The following THSD4 variants were observed in gnomAD, a reference collection of about 807,000 sequenced individuals.
THSD4 encodes thrombospondin type 1 domain containing 4.
THSD4 carries 69 observed loss-of-function variants against 119.0 expected under a neutral mutation model. The observed-to-expected ratio is 0.58, with a 90% CI of 0.48 to 0.71. THSD4 has a LOEUF of 0.71. THSD4 is among the 30% of genes least tolerant of loss of function. The probability of loss-of-function intolerance (pLI) is 0.00; values close to 1 mark genes in which losing one functional copy is unlikely to be tolerated. For synonymous variants in THSD4, 524 were observed against 540.4 expected, an observed-to-expected ratio of 0.97 and a Z score of 0.42; for missense variants, 1,393 against 1,391.1, an observed-to-expected ratio of 1.00 and a Z score of -0.02.
intron 8 of THSD4, among the ~76,000 whole-genome samples, chr15:71,680,713 C>G (rs142191152): frequency 9.2e-4 from 140 of 152,286 alleles, no homozygotes; most frequent in Middle Eastern, 3.4e-3. Flanking sequence ...TACTCTCAGC[C>G]ACGCAGCTTT....
At chr15:71,199,802 CTGTG>C (rs144073334) in intron 3 of THSD4, among the ~76,000 whole-genome samples, 54 of 38,110 alleles carry the variant, frequency 1.4e-3, no homozygotes, top group African/African-American at 3.4e-3. Context: ...TGTGTGTGTG[CTGTG>C]TGTGTGTGAT....
chr15:71,547,375 G>A lies in THSD4; in HGVS notation c.1153-113155G>A, dbSNP rs1311183677. On this transcript the variant is annotated intron_variant, in intron 7 of 17. Transcript: ENST00000261862. ...TAGCTGTTAGCACTTGGCAGACGGA[G>A]TTCTCCTCTAGGGTAGTTCTAACTT... 2.7e-5 allele frequency: 42 copies of A among 1,549,084 alleles called. No homozygotes were observed. In the South Asian group the frequency reaches 4.8e-4, roughly 18 times the overall value.
chr15:71,242,611 G>T (rs375963303), intron 4 of THSD4, 38 bp from the exon 5 acceptor site: 1 of 1,590,708 alleles, frequency 6.3e-7, no homozygotes, highest in East Asian at 2.2e-5. Context: ...AAATTCATCC[G>T]ACTCTGATCA....
chr15:71,547,911 C>CTT (rs33983525), intron 7 of THSD4: 20,972 of 149,214 alleles, frequency 0.14, 1,468 homozygotes, highest in Middle Eastern at 0.22. Flanking sequence ...ACACTTCTCT[C>CTT]TTTTTTTTTT....
intron 7 of THSD4, among the ~76,000 whole-genome samples, chr15:71,594,361 A>G (rs927023068): frequency 6.6e-6 from 1 of 152,108 alleles, no homozygotes; most frequent in African/African-American, 2.4e-5. Context: ...GGCATTTGCC[A>G]CCACGACTGG....
At chr15:71,389,655 T>G (rs1596392241) in intron 6 of THSD4, among the ~76,000 whole-genome samples, 1 of 152,054 alleles carries the variant, frequency 6.6e-6, no homozygotes, top group Non-Finnish European at 1.5e-5. Context: ...ATATACAAAG[T>G]AGTGGAATTG....
chr15:71,459,974 A>G (rs925895424), intron 7 of THSD4, among the ~76,000 whole-genome samples: 1 of 152,054 alleles, frequency 6.6e-6, no homozygotes, highest in Non-Finnish European at 1.5e-5. Flanking sequence ...TGCAGCCCCA[A>G]AGTTACCAGC....
At chr15:71,165,543 T>A in intron 3 of THSD4, 1 of 709,666 alleles carries the variant, frequency 1.4e-6, no homozygotes, top group Non-Finnish European at 2.4e-6. Flanking sequence ...TTTTATGGAT[T>A]AACTTTCATA....
At chr15:71,415,086 C>T (rs1037074715) in intron 7 of THSD4, among the ~76,000 whole-genome samples, 3 of 152,240 alleles carry the variant, frequency 2.0e-5, no homozygotes, top group African/African-American at 7.2e-5. Flanking sequence ...CTGTCACTTG[C>T]AGACAGTTTT....
intron 3 of THSD4, among the ~76,000 whole-genome samples, chr15:71,172,700 T>TAC (rs2043387083): frequency 1.0e-5 from 1 of 98,762 alleles, no homozygotes; most frequent in Non-Finnish European, 1.9e-5. Context: ...TATATATATA[T>TAC]ATATATATAT....
intron 1 of THSD4, among the ~76,000 whole-genome samples, chr15:71,097,352 C>T (rs2141336706): frequency 6.6e-6 from 1 of 152,136 alleles, no homozygotes; most frequent in South Asian, 2.1e-4. Context: ...ATTGCTTGAG[C>T]ACAGGAGTTC....
chr15:71,746,646 C>G (rs2053343202), intron 12 of THSD4, among the ~76,000 whole-genome samples, 192 bp from the exon 13 acceptor site: 1 of 152,248 alleles, frequency 6.6e-6, no homozygotes, highest in Non-Finnish European at 1.5e-5. Context: ...CCTCCCACCT[C>G]AGCTTCCCAA....
chr15:71,157,518 A>G (rs2040790468), intron 3 of THSD4, among the ~76,000 whole-genome samples: 1 of 151,946 alleles, frequency 6.6e-6, no homozygotes, highest in African/African-American at 2.4e-5. Context: ...ACTGTTAACC[A>G]TCATCAACCT....
intron 8 of THSD4, among the ~76,000 whole-genome samples, chr15:71,681,389 G>A (rs1004940658): frequency 3.3e-5 from 5 of 151,872 alleles, no homozygotes; most frequent in East Asian, 1.9e-4. Context: ...AAAAGTTTAC[G>A]TGGCACACTG....
rs567494016 is a variant in THSD4 at position 71,102,875 on chromosome 15, ATCT to A, written c.-80+5874_-80+5876del. ...GCCACTCCACTAGGCCTGTTTTTAT[ATCT>A]TCTTTTTTCCCCCCTGAGAATTTCG... On this transcript the variant is annotated intron_variant, in intron 1 of 17. Coordinates refer to the THSD4 transcript ENST00000355327. Among the ~76,000 whole-genome samples the A allele has an allele frequency of 7.9e-5, 12 of 152,142 alleles. No individual in the cohort carries two copies. The East Asian group carries it at 2.3e-3, about 29-fold the overall frequency.
chr15:71,182,468 T>A (rs1383889642), intron 3 of THSD4, among the ~76,000 whole-genome samples: 1 of 151,804 alleles, frequency 6.6e-6, no homozygotes, highest in East Asian at 1.9e-4. Flanking sequence ...TAAATGGTTC[T>A]AAGAAAAAAT....
In THSD4 at chr15:71,627,651, T is replaced by C. The variant is rs543365544; in HGVS notation, c.1153-32879T>C. On this transcript the variant is annotated intron_variant, in intron 7 of 17. Coordinates refer to ENST00000261862, the MANE Select transcript of THSD4 (RefSeq NM_024817.3). ...GAAATGACAGTAGGGGAAAAATATT[T>C]CTCTTCTTATAAATTAAGAATCCCC... is the stretch of plus-strand genomic sequence containing the variant. 2.6e-5 allele frequency among the ~76,000 whole-genome samples: 4 copies of C among 152,280 alleles called. No individual in the cohort carries two copies. In the East Asian group the frequency reaches 7.7e-4, roughly 29 times the overall value.
At chr15:71,210,346 A>G (rs1054069156) in intron 3 of THSD4, among the ~76,000 whole-genome samples, 1 of 152,190 alleles carries the variant, frequency 6.6e-6, no homozygotes, top group Non-Finnish European at 1.5e-5. Flanking sequence ...GTTGGCCTGT[A>G]TTCTGTTACT....
At chr15:71,734,550 G>C (rs2053044363) in intron 10 of THSD4, among the ~76,000 whole-genome samples, 1 of 152,168 alleles carries the variant, frequency 6.6e-6, no homozygotes, top group South Asian at 2.1e-4. Context: ...AAACTACTCT[G>C]TGTGATATTA....
Sources: gnomAD v4.1 joint callset for allele counts (sites outside exome capture counted in the v4.1 genomes callset) on GRCh38, gnomAD v4.1.1 for gene constraint, MANE v1.5 for transcripts, NCBI Gene and HGNC (gene_info 2026-07-23, HGNC 2026-07-21) for gene names.